EIPR1: variants seen among roughly 807,000 people sequenced by gnomAD.
EIPR1 encodes the protein EARP complex and GARP complex interacting protein 1.
Under a neutral mutation model 48.1 loss-of-function variants are expected in EIPR1, and 25 were observed. The ratio of observed to expected loss-of-function variants is 0.52; its 90% CI spans 0.38 to 0.73. The LOEUF (loss-of-function observed/expected upper bound fraction) is 0.73, where lower values mean the gene tolerates loss of function less well. Among genes scored for constraint, EIPR1 ranks in the 30% least tolerant of loss-of-function variants. The probability of loss-of-function intolerance (pLI) is 0.00; values close to 1 mark genes in which losing one functional copy is unlikely to be tolerated. For synonymous variants in EIPR1, 204 were observed against 201.9 expected, an observed-to-expected ratio of 1.01 and a Z score of -0.09; for missense variants, 415 against 506.2, an observed-to-expected ratio of 0.82 and a Z score of 1.73.
At chr2:3,256,318 C>T (rs1054821147) in intron 4 of EIPR1, among the ~76,000 whole-genome samples, 7 of 152,228 alleles carry the variant, frequency 4.6e-5, no homozygotes, top group Admixed American at 6.5e-5. Context: ...CTGCTCCTTC[C>T]GGGGCCACAG....
At chr2:3,258,099 T>C (rs910802844) in intron 3 of EIPR1, among the ~76,000 whole-genome samples, 1 of 152,032 alleles carries the variant, frequency 6.6e-6, no homozygotes, top group Non-Finnish European at 1.5e-5. Flanking sequence ...GTGCCATCCT[T>C]ACACGATCCT....
intron 3 of EIPR1, among the ~76,000 whole-genome samples, chr2:3,323,407 T>C (rs1052564909): frequency 6.6e-6 from 1 of 152,208 alleles, no homozygotes; most frequent in African/African-American, 2.4e-5. Flanking sequence ...AGGACATCCA[T>C]GCCCTTCATC....
intron 3 of EIPR1, chr2:3,318,951 G>A: frequency 2.1e-6 from 1 of 471,490 alleles, no homozygotes; most frequent in South Asian, 1.5e-5. Flanking sequence ...ACGATTCTAT[G>A]ATGTCTCCTA....
rs1669166513 is a variant in EIPR1 at position 3,312,705 on chromosome 2, T to A, written c.259+25312A>T. Among the ~76,000 whole-genome samples, 1 of 152,162 alleles carries A rather than the reference T, an allele frequency of 6.6e-6. No homozygotes were observed. Among genetic ancestry groups the A allele is most frequent in the South Asian group, 2.1e-4 (1 of 4,828 alleles). ...TGGGGAAGAGCCTCCACTGGTCCCT[T>A]CAACGAGATCTTTGGTGCCCCAGGC... On this transcript the variant is annotated intron_variant, in intron 3 of 8. Transcript: ENST00000382125. The surrounding 1 kb of genome is among the most constrained non-coding windows in gnomAD (Gnocchi z 5.5).
intron 6 of EIPR1, among the ~76,000 whole-genome samples, chr2:3,196,011 G>A (rs1019293774): frequency 2.0e-5 from 3 of 152,204 alleles, no homozygotes; most frequent in African/African-American, 4.8e-5. Context: ...CAAAGGACAC[G>A]ATGACCACAG....
chr2:3,299,119 A>C (rs1668685068), intron 3 of EIPR1, among the ~76,000 whole-genome samples: 1 of 152,248 alleles, frequency 6.6e-6, no homozygotes, highest in Non-Finnish European at 1.5e-5. Context: ...AAGTAATGAG[A>C]TGACCAGGGT....
chr2:3,290,299 T>C (rs1461400626), intron 3 of EIPR1, among the ~76,000 whole-genome samples: 1 of 152,244 alleles, frequency 6.6e-6, no homozygotes, highest in Non-Finnish European at 1.5e-5. Context: ...TGACGTGTTA[T>C]ATGAAGTACA....
intron 1 of EIPR1, among the ~76,000 whole-genome samples, chr2:3,369,585 C>T (rs924075506): frequency 6.6e-6 from 1 of 152,236 alleles, no homozygotes; most frequent in Non-Finnish European, 1.5e-5. Context: ...GAGATTATAT[C>T]CCACACCTGG....
At chr2:3,219,857 A>G (rs1215582838) in intron 4 of EIPR1, among the ~76,000 whole-genome samples, 1 of 152,176 alleles carries the variant, frequency 6.6e-6, no homozygotes, top group Non-Finnish European at 1.5e-5. Flanking sequence ...GCCCCAGTAC[A>G]TTCTTAGGGC....
At chr2:3,274,361 T>C (rs1468537288) in intron 3 of EIPR1, 2 of 1,550,380 alleles carry the variant, frequency 1.3e-6, no homozygotes, top group East Asian at 4.9e-5. Flanking sequence ...CTATGAACAG[T>C]TGGGCAGCTG....
intron 3 of EIPR1, among the ~76,000 whole-genome samples, chr2:3,278,981 T>C (rs1345175162): frequency 6.6e-6 from 1 of 152,066 alleles, no homozygotes; most frequent in Non-Finnish European, 1.5e-5. Flanking sequence ...CATCGAACCA[T>C]TTTTTTATGC....
chr2:3,241,996 C>T (rs775258020), intron 4 of EIPR1, among the ~76,000 whole-genome samples: 1 of 152,162 alleles, frequency 6.6e-6, no homozygotes, highest in African/African-American at 2.4e-5. Context: ...CGACTACATT[C>T]GATGGTGTGC....
At chr2:3,190,160 A>C (rs1383636414) in intron 8 of EIPR1, among the ~76,000 whole-genome samples, 2 of 152,106 alleles carry the variant, frequency 1.3e-5, no homozygotes. Context: ...GGGAGCCCTG[A>C]CCAGGGGATC....
intron 7 of EIPR1, 65 bp from the exon 8 acceptor site, chr2:3,192,646 C>T (rs1010944911): frequency 2.5e-5 from 39 of 1,556,166 alleles, no homozygotes; most frequent in Non-Finnish European, 3.4e-5. Context: ...CAATGGATCA[C>T]ACCGGCTCTG....
chr2:3,247,973 C>T lies in EIPR1; in HGVS notation c.416+9326G>A, dbSNP rs575989119. On this transcript the variant is annotated intron_variant, in intron 4 of 8. Transcript: ENST00000382125. The stretch of plus-strand genomic sequence containing the variant: ...TTCCAGAAAGAATTTAAGGGAGCGA[C>T]ATAGTCGAGATGTTTGTCCCCTCCA... Among the ~76,000 whole-genome samples, 5 of 152,208 alleles carry T rather than the reference C, an allele frequency of 3.3e-5. No homozygotes were observed. In the South Asian group the frequency reaches 1.0e-3, roughly 32 times the overall value.
intron 3 of EIPR1, chr2:3,274,315 C>T (rs1262300272): frequency 6.5e-7 from 1 of 1,550,248 alleles, no homozygotes; most frequent in Admixed American, 2.0e-5. Context: ...ATGCAGAACA[C>T]CAAAGACAAA....
chr2:3,199,061 G>GCCCCCCC (rs1334678710), intron 5 of EIPR1, among the ~76,000 whole-genome samples: 6 of 22,566 alleles, frequency 2.7e-4, no homozygotes, highest in Admixed American at 4.4e-4. Flanking sequence ...ATTTTAGAGG[G>GCCCCCCC]CCCCCCCCCC....
At chr2:3,266,706 G>A (rs945085815) in intron 3 of EIPR1, among the ~76,000 whole-genome samples, 3 of 152,214 alleles carry the variant, frequency 2.0e-5, no homozygotes, top group Middle Eastern at 3.2e-3. Flanking sequence ...GGTGTCAGGG[G>A]CTCGCTGGCC....
intron 4 of EIPR1, among the ~76,000 whole-genome samples, chr2:3,219,483 A>G (rs910949663): frequency 3.5e-5 from 5 of 144,450 alleles, no homozygotes; most frequent in Non-Finnish European, 7.5e-5. Context: ...TGCACACCCA[A>G]TACAGCCCTG....
Sources: allele counts gnomAD v4.1 joint callset (sites outside exome capture counted in the v4.1 genomes callset), GRCh38; gene constraint gnomAD v4.1.1; non-coding constraint Gnocchi (gnomAD v3.1); transcripts MANE v1.5; gene names NCBI Gene and HGNC (gene_info 2026-07-23, HGNC 2026-07-21).